The following OSBP2 variants were observed in gnomAD, a reference collection of about 807,000 sequenced individuals.
OSBP2 encodes the protein oxysterol-binding protein 2.
Under a neutral mutation model 96.0 loss-of-function variants are expected in OSBP2, and 66 were observed. The observed-to-expected ratio is 0.69, with a 90% CI of 0.56 to 0.84. OSBP2 has a LOEUF of 0.84. Among genes scored for constraint, OSBP2 ranks in the 40% least tolerant of loss-of-function variants. The pLI is 0.00. For missense variants in OSBP2, 1,038 were observed against 1,222.7 expected, an observed-to-expected ratio of 0.85 and a Z score of 2.25; for synonymous variants, 525 against 520.9, an observed-to-expected ratio of 1.01 and a Z score of -0.11.
intron 3 of OSBP2, among the ~76,000 whole-genome samples, chr22:30,872,977 G>A (rs1020064396): frequency 6.6e-6 from 1 of 152,216 alleles, no homozygotes; most frequent in African/African-American, 2.4e-5. Context: ...TTTGGTACCT[G>A]TTAGGAGAAG....
intron 1 of OSBP2, among the ~76,000 whole-genome samples, chr22:30,740,861 T>C (rs1479285833): frequency 6.6e-6 from 1 of 152,170 alleles, no homozygotes; most frequent in Non-Finnish European, 1.5e-5. Flanking sequence ...TGGGCAGTCA[T>C]TCTGCCATTT....
Position 30,784,036 on chromosome 22 carries a change from G to A in OSBP2, c.853+42667G>A, listed in dbSNP as rs145623208. 7.9e-4 allele frequency among the ~76,000 whole-genome samples: 120 copies of A among 152,254 alleles called. 1 individual carries two copies. Among genetic ancestry groups the A allele is most frequent in the Non-Finnish European group, 1.5e-3 (101 of 68,008 alleles). On this transcript the variant is annotated intron_variant, in intron 2 of 13. Transcript: ENST00000332585. ...CAGGGATGGCATCTTTACGATTGACGTAGGTTTCTATGGTCCTGTCCTGAG... is the reference window on the plus strand; with the variant it reads ...CAGGGATGGCATCTTTACGATTGACATAGGTTTCTATGGTCCTGTCCTGAG...
intron 2 of OSBP2, among the ~76,000 whole-genome samples, chr22:30,843,872 A>C (rs1314580978): frequency 6.6e-6 from 1 of 150,514 alleles, no homozygotes; most frequent in Non-Finnish European, 1.5e-5. Flanking sequence ...TGTCTCAAAC[A>C]ATTTTTTTTT....
intron 2 of OSBP2, among the ~76,000 whole-genome samples, chr22:30,808,017 T>C (rs540408664): frequency 5.9e-5 from 9 of 152,246 alleles, no homozygotes; most frequent in Admixed American, 5.9e-4. Flanking sequence ...CTGGAACTCC[T>C]GGGCTCAAGC....
At chr22:30,708,538 G>T (rs1352426618) in intron 1 of OSBP2, among the ~76,000 whole-genome samples, 1 of 123,902 alleles carries the variant, frequency 8.1e-6, no homozygotes, top group Non-Finnish European at 1.6e-5. Flanking sequence ...ACCCAGTCTG[G>T]AGTGCAATGG....
intron 1 of OSBP2, among the ~76,000 whole-genome samples, chr22:30,717,485 G>A (rs2089481563): frequency 6.6e-6 from 1 of 152,164 alleles, no homozygotes; most frequent in Admixed American, 6.6e-5. Context: ...TTACTGTCCA[G>A]CTGCAGCTGT....
Position 30,870,403 on chromosome 22 carries a change from C to G in OSBP2, c.854-26C>G, listed in dbSNP as rs780038228. 2.5e-6 allele frequency: 4 copies of G among 1,612,074 alleles called. No homozygotes were observed. The highest frequency in any genetic ancestry group is 3.4e-6 in the Non-Finnish European group (4 of 1,179,558). ...TGGTACCACGTCTGTTCGTAATGAC[C>G]GTAACAACTCTATTTTCTTCCACAG... is the stretch of plus-strand genomic sequence containing the variant. On this transcript the variant is annotated intron_variant, in intron 2 of 13. Coordinates refer to ENST00000332585, the MANE Select transcript of OSBP2 (RefSeq NM_030758.4). This position sits in a 1 kb window ranked among gnomAD's most constrained non-coding sequence, Gnocchi z 4.1.
rs2039460651 is a variant in OSBP2 at position 30,871,595 on chromosome 22, G to A, written c.1107+913G>A. ...GAAGAAGTGAGGTCCAGAGAAGGGG[G>A]TTCAGGAGAGTCATCGTGCTGGCTG... On this transcript the variant is annotated intron_variant, in intron 3 of 13. Coordinates refer to ENST00000332585, the MANE Select transcript of OSBP2 (RefSeq NM_030758.4). The surrounding 1 kb of genome is among the most constrained non-coding windows in gnomAD (Gnocchi z 4.7). Among the ~76,000 whole-genome samples, 1 of 152,198 alleles carries A rather than the reference G, an allele frequency of 6.6e-6. No individual in the cohort carries two copies. Among genetic ancestry groups the A allele is most frequent in the African/African-American group, 2.4e-5 (1 of 41,450 alleles).
chr22:30,731,201 A>G (rs1048814964), intron 1 of OSBP2, among the ~76,000 whole-genome samples: 13 of 151,986 alleles, frequency 8.6e-5, no homozygotes, highest in African/African-American at 2.9e-4. Context: ...AATGAAAAAT[A>G]AAGAGCTGAC....
intron 2 of OSBP2, among the ~76,000 whole-genome samples, chr22:30,818,159 A>C (rs924623478): frequency 5.3e-5 from 8 of 152,164 alleles, no homozygotes; most frequent in Non-Finnish European, 8.8e-5. Flanking sequence ...CGGCCTCCCA[A>C]AGTGCTGGGA....
chr22:30,815,569 C>G (rs770023427), intron 2 of OSBP2, among the ~76,000 whole-genome samples: 26 of 152,198 alleles, frequency 1.7e-4, no homozygotes, highest in Non-Finnish European at 3.2e-4. Context: ...CCCCAGTAAT[C>G]TCACTCCCTC....
At chr22:30,888,161 T>G in intron 4 of OSBP2, 62 bp from the exon 5 acceptor site, 1 of 1,118,530 alleles carries the variant, frequency 8.9e-7, no homozygotes, top group Non-Finnish European at 1.4e-6. Context: ...GGCTCTGGAC[T>G]TAGGGAGGCG....
chr22:30,770,559 A>T (rs1039588193), intron 2 of OSBP2: 1 of 152,140 alleles, frequency 6.6e-6, no homozygotes. Flanking sequence ...TTTAAAAATT[A>T]TTTTTTCATG....
chr22:30,742,546 T>G (rs766234668), intron 2 of OSBP2, among the ~76,000 whole-genome samples: 11 of 152,228 alleles, frequency 7.2e-5, no homozygotes, highest in Non-Finnish European at 1.5e-4. Flanking sequence ...CCAGAGATAC[T>G]TGTATCTTCA....
intron 3 of OSBP2, among the ~76,000 whole-genome samples, chr22:30,878,632 C>G (rs1407556048): frequency 6.6e-6 from 1 of 152,158 alleles, no homozygotes; most frequent in Admixed American, 6.5e-5. Context: ...AGGCAGAAAG[C>G]AGGGCTGGGC....
chr22:30,843,747 A>T (rs1349207842), intron 2 of OSBP2, among the ~76,000 whole-genome samples: 1 of 152,152 alleles, frequency 6.6e-6, no homozygotes, highest in Non-Finnish European at 1.5e-5. Flanking sequence ...GTGTGCCTGT[A>T]GTCCCAGCTA....
chr22:30,696,290 C>T (rs1296405378), intron 1 of OSBP2, among the ~76,000 whole-genome samples: 5 of 152,172 alleles, frequency 3.3e-5, no homozygotes, highest in Non-Finnish European at 5.9e-5. Context: ...ACTGGCTCTT[C>T]CCTGGGTCTG....
At chr22:30,720,410 G>C (rs1019153335) in intron 1 of OSBP2, among the ~76,000 whole-genome samples, 2 of 152,124 alleles carry the variant, frequency 1.3e-5, no homozygotes, top group African/African-American at 4.8e-5. Context: ...GCAGGCAATT[G>C]GCAGGAGGCC....
At chr22:30,742,157 G>A (rs2089947163) in intron 2 of OSBP2, among the ~76,000 whole-genome samples, 2 of 151,884 alleles carry the variant, frequency 1.3e-5, no homozygotes, top group Admixed American at 1.3e-4. Context: ...GTTCGGCTGG[G>A]TGTGGTGGCA....
Sources: allele counts gnomAD v4.1 joint callset (sites outside exome capture counted in the v4.1 genomes callset), GRCh38; gene constraint gnomAD v4.1.1; non-coding constraint Gnocchi (gnomAD v3.1); transcripts MANE v1.5; gene names NCBI Gene and HGNC (gene_info 2026-07-23, HGNC 2026-07-21).